Variants in PIGU observed in about 807,000 individuals in gnomAD.
The protein encoded by PIGU is phosphatidylinositol glycan anchor biosynthesis class U.
In PIGU, 24 loss-of-function variants were observed where a neutral mutation model predicts 49.9. That is an observed-to-expected ratio of 0.48 (90% CI 0.35 to 0.68). The LOEUF (loss-of-function observed/expected upper bound fraction) is 0.68, where lower values mean the gene tolerates loss of function less well. Among genes scored for constraint, PIGU ranks in the 30% least tolerant of loss-of-function variants. The pLI is 0.01. For missense variants in PIGU, 490 were observed against 532.6 expected, an observed-to-expected ratio of 0.92 and a Z score of 0.79; for synonymous variants, 220 against 205.7, an observed-to-expected ratio of 1.07 and a Z score of -0.59.
rs75151500 is a variant in PIGU, at chr20:34,580,860, C to T, written c.1051+688G>A. Among the ~76,000 whole-genome samples, 316 of 152,248 alleles carry T rather than the reference C, an allele frequency of 2.1e-3. 3 individuals are homozygous for T. The highest frequency in any genetic ancestry group is 6.7e-3 in the African/African-American group (280 of 41,538). ...CACAGATAGGTCACCACTAAGCCACCTCTGAAGAGGGGATGGTTAGAGCTT... is the reference window on the plus strand; with the variant it reads ...CACAGATAGGTCACCACTAAGCCACTTCTGAAGAGGGGATGGTTAGAGCTT... On this transcript the variant is annotated intron_variant, in intron 10 of 11. Transcript: ENST00000217446.
intron 2 of PIGU, among the ~76,000 whole-genome samples, chr20:34,649,835 CATCTA>C: frequency 7.4e-6 from 1 of 135,376 alleles, no homozygotes; most frequent in South Asian, 2.4e-4. Context: ...GTGCCCGGTC[CATCTA>C]TTACATTCTT....
intron 4 of PIGU, among the ~76,000 whole-genome samples, chr20:34,639,257 T>C (rs6088554): frequency 0.41 from 61,670 of 151,274 alleles, 12,944 homozygotes; most frequent in Admixed American, 0.56. Flanking sequence ...AAAAACTAGC[T>C]GGGCATGGTG....
chr20:34,646,102 A>C (rs1986336485), intron 2 of PIGU, among the ~76,000 whole-genome samples: 1 of 152,112 alleles, frequency 6.6e-6, no homozygotes, highest in African/African-American at 2.4e-5. Flanking sequence ...TCTTGAGACT[A>C]GTTCAGAAAG....
intron 6 of PIGU, among the ~76,000 whole-genome samples, chr20:34,622,201 G>A (rs773087783): frequency 2.0e-5 from 3 of 151,996 alleles, no homozygotes; most frequent in Non-Finnish European, 2.9e-5. Context: ...ACATTTTTCC[G>A]TATATATGTC....
At chr20:34,650,722 TTTTTTTTTTG>T (rs1986516488) in intron 2 of PIGU, among the ~76,000 whole-genome samples, 1 of 111,296 alleles carries the variant, frequency 9.0e-6, no homozygotes, top group South Asian at 3.2e-4. Context: ...TTTTTTTTTT[TTTTTTTTTTG>T]AGAAGGAGTC....
intron 1 of PIGU, among the ~76,000 whole-genome samples, chr20:34,666,003 T>C (rs990568855): frequency 2.0e-5 from 3 of 152,108 alleles, no homozygotes; most frequent in African/African-American, 7.2e-5. Flanking sequence ...CTGACCAATA[T>C]GGTGAAACCC....
chr20:34,594,431 T>C (rs374325423), intron 7 of PIGU, among the ~76,000 whole-genome samples: 17 of 152,202 alleles, frequency 1.1e-4, no homozygotes, highest in African/African-American at 3.6e-4. Flanking sequence ...ATCTCTATTC[T>C]ATCTATACTG....
intron 3 of PIGU, among the ~76,000 whole-genome samples, chr20:34,644,623 G>A (rs977061640): frequency 2.2e-4 from 34 of 152,092 alleles, no homozygotes; most frequent in African/African-American, 7.5e-4. Context: ...GGGCTTCCTG[G>A]GTATTTCTTG....
At chr20:34,603,857 G>GACACACACACAC (rs1375311427) in intron 7 of PIGU, among the ~76,000 whole-genome samples, 3 of 70,744 alleles carry the variant, frequency 4.2e-5, no homozygotes, top group Non-Finnish European at 2.9e-5. Flanking sequence ...CCTTTTAGTG[G>GACACACACACAC]ACAGACACAC....
chr20:34,590,248 T>C (rs1451802607), intron 7 of PIGU, among the ~76,000 whole-genome samples: 1 of 152,058 alleles, frequency 6.6e-6, no homozygotes, highest in Non-Finnish European at 1.5e-5. Context: ...TGAACAAAAC[T>C]GTATAACTAA....
chr20:34,570,419 T>TTA (rs1189681369), intron 11 of PIGU, among the ~76,000 whole-genome samples: 1 of 131,126 alleles, frequency 7.6e-6, no homozygotes, highest in African/African-American at 2.6e-5. Flanking sequence ...TGTTATTTAT[T>TTA]TTTATTTTTT....
At chr20:34,632,601 G>A (rs1045018161) in intron 6 of PIGU, among the ~76,000 whole-genome samples, 2 of 151,932 alleles carry the variant, frequency 1.3e-5, no homozygotes, top group African/African-American at 2.4e-5. Context: ...TCCTGACCTC[G>A]TGATCTACCT....
intron 11 of PIGU, among the ~76,000 whole-genome samples, chr20:34,569,984 A>C (rs576738141): frequency 1.3e-5 from 2 of 152,178 alleles, no homozygotes; most frequent in South Asian, 2.1e-4. Context: ...TCCAAGCCTC[A>C]GTTTCCTCAT....
intron 7 of PIGU, among the ~76,000 whole-genome samples, chr20:34,591,101 GAA>G (rs1473301959): frequency 6.6e-6 from 1 of 151,772 alleles, no homozygotes; most frequent in Non-Finnish European, 1.5e-5. Context: ...GATTGCCATG[GAA>G]ACATTAAGCA....
intron 7 of PIGU, among the ~76,000 whole-genome samples, chr20:34,595,374 A>C (rs1017350689): frequency 6.6e-6 from 1 of 152,346 alleles, no homozygotes; most frequent in South Asian, 2.1e-4. Context: ...TATTACAAGT[A>C]ATCTGGAGAT....
chr20:34,611,156 T>C (rs565071850), intron 7 of PIGU, among the ~76,000 whole-genome samples: 34 of 152,288 alleles, frequency 2.2e-4, no homozygotes, highest in African/African-American at 8.2e-4. Flanking sequence ...AAAGACTTCA[T>C]GACTAAAACA....
At chr20:34,632,217 T>C (rs748216215) in intron 6 of PIGU, among the ~76,000 whole-genome samples, 3 of 151,970 alleles carry the variant, frequency 2.0e-5, no homozygotes, top group Non-Finnish European at 4.4e-5. Context: ...GCTACCAAGA[T>C]ACTAGAAGAC....
At chr20:34,625,379 A>C (rs535868740) in intron 6 of PIGU, among the ~76,000 whole-genome samples, 10 of 151,834 alleles carry the variant, frequency 6.6e-5, no homozygotes, top group South Asian at 2.1e-4. Flanking sequence ...AAAAAAAAAA[A>C]AAACAAAAAA....
At chr20:34,632,715 G>A (rs548737947) in intron 6 of PIGU, among the ~76,000 whole-genome samples, 2 of 151,914 alleles carry the variant, frequency 1.3e-5, no homozygotes, top group Admixed American at 6.6e-5. Flanking sequence ...CAGAAAAACA[G>A]AAAAAAATCA....
Sources: gnomAD v4.1 joint callset for allele counts (sites outside exome capture counted in the v4.1 genomes callset) on GRCh38, gnomAD v4.1.1 for gene constraint, MANE v1.5 for transcripts, NCBI Gene and HGNC (gene_info 2026-07-23, HGNC 2026-07-21) for gene names.